The following GULP1 variants were observed in gnomAD, a reference collection of about 807,000 sequenced individuals.
GULP1 encodes the protein GULP PTB domain containing engulfment adaptor 1.
A neutral mutation model predicts 40.9 loss-of-function variants in GULP1; 19 were observed. The observed-to-expected ratio is 0.46, with a 90% CI of 0.32 to 0.68. GULP1 has a LOEUF of 0.68. Among genes scored for constraint, GULP1 ranks in the 30% least tolerant of loss-of-function variants. The probability of loss-of-function intolerance (pLI) is 0.03; values close to 1 mark genes in which losing one functional copy is unlikely to be tolerated. For missense variants in GULP1, 312 were observed against 362.2 expected (o/e 0.86, Z 1.12); for synonymous variants, 119 against 117.6 (o/e 1.01, Z -0.08).
chr2:188,435,045 C>T (rs1443072845), intron 2 of GULP1, among the ~76,000 whole-genome samples: 1 of 151,978 alleles, frequency 6.6e-6, no homozygotes, highest in Non-Finnish European at 1.5e-5. Flanking sequence ...ACTCTCAATT[C>T]TGGTGGTTTT....
intron 4 of GULP1, among the ~76,000 whole-genome samples, chr2:188,516,765 G>A (rs1275104147): frequency 6.6e-6 from 1 of 152,074 alleles, no homozygotes; most frequent in East Asian, 1.9e-4. Context: ...CAAGTCCTTG[G>A]ACCAAATTTC....
chr2:188,386,579 T>C (rs1235323959), intron 2 of GULP1, among the ~76,000 whole-genome samples: 1 of 152,150 alleles, frequency 6.6e-6, no homozygotes, highest in African/African-American at 2.4e-5. Context: ...ATTTTGTATT[T>C]ATTATTCAGT....
intron 1 of GULP1, among the ~76,000 whole-genome samples, chr2:188,374,446 T>C (rs187062710): frequency 2.4e-4 from 37 of 152,260 alleles, no homozygotes; most frequent in African/African-American, 7.7e-4. Context: ...CAGGCCTGAC[T>C]GAATCCAGGC....
chr2:188,562,068 A>G (rs531852735), intron 7 of GULP1, among the ~76,000 whole-genome samples: 15 of 152,188 alleles, frequency 9.9e-5, no homozygotes, highest in African/African-American at 3.4e-4. Context: ...AGTTTCCCTA[A>G]TGCCTCAGCC....
chr2:188,298,440 A>G (rs1435309710), intron 1 of GULP1, among the ~76,000 whole-genome samples: 1 of 152,062 alleles, frequency 6.6e-6, no homozygotes, highest in Non-Finnish European at 1.5e-5. Context: ...ATTTGAGTAA[A>G]CAAATTTTAT....
chr2:188,512,848 T>G (rs2064735006), intron 4 of GULP1, among the ~76,000 whole-genome samples: 1 of 1,318 alleles, frequency 7.6e-4, no homozygotes, highest in Admixed American at 0.023. Flanking sequence ...AAAAGAGAAG[T>G]CTTTGTTTTC....
intron 4 of GULP1, among the ~76,000 whole-genome samples, chr2:188,511,769 A>T (rs566662632): frequency 5.3e-5 from 8 of 152,306 alleles, no homozygotes; most frequent in Admixed American, 2.0e-4. Context: ...AATAATTGTT[A>T]TAATAAAATG....
intron 4 of GULP1, 160 bp from the exon 5 acceptor site, chr2:188,522,596 T>C (rs1199369431): frequency 4.7e-6 from 1 of 212,378 alleles, no homozygotes; most frequent in East Asian, 1.1e-4. Flanking sequence ...TAGTTACATT[T>C]TCATATAATA....
intron 4 of GULP1, among the ~76,000 whole-genome samples, chr2:188,486,152 G>A (rs567131223): frequency 6.6e-6 from 1 of 151,988 alleles, no homozygotes; most frequent in Non-Finnish European, 1.5e-5. Flanking sequence ...ATTTTAGGAA[G>A]ATAAATCGGT....
intron 4 of GULP1, among the ~76,000 whole-genome samples, chr2:188,504,311 G>A (rs1302208325): frequency 3.3e-5 from 5 of 151,892 alleles, no homozygotes; most frequent in African/African-American, 1.2e-4. Context: ...ACTTTTAAAA[G>A]CTTGGAAGTT....
chr2:188,334,867 A>G (rs1186795552), intron 1 of GULP1, among the ~76,000 whole-genome samples: 1 of 152,204 alleles, frequency 6.6e-6, no homozygotes. Context: ...AACTTATTAA[A>G]AGGAATCTGC....
intron 2 of GULP1, among the ~76,000 whole-genome samples, chr2:188,454,046 C>G (rs1218915079): frequency 6.6e-6 from 1 of 152,234 alleles, no homozygotes; most frequent in East Asian, 1.9e-4. Context: ...CCCCTGCTGC[C>G]TGAGCCTTGC....
intron 4 of GULP1, among the ~76,000 whole-genome samples, chr2:188,486,587 T>A (rs1392807432): frequency 6.6e-6 from 1 of 152,032 alleles, no homozygotes; most frequent in East Asian, 1.9e-4. Flanking sequence ...TATAATTCTT[T>A]TTTAGAACAC....
At chr2:188,587,339 T>C (rs1478541660) in intron 10 of GULP1, among the ~76,000 whole-genome samples, 2 of 152,104 alleles carry the variant, frequency 1.3e-5, no homozygotes, top group Non-Finnish European at 2.9e-5. Flanking sequence ...TGACATTTCA[T>C]ACTACATGAG....
At chr2:188,377,728 A>G (rs1402606403) in intron 1 of GULP1, among the ~76,000 whole-genome samples, 1 of 152,232 alleles carries the variant, frequency 6.6e-6, no homozygotes, top group African/African-American at 2.4e-5. Context: ...CAATAAGAAA[A>G]AATTGTGCAG....
Position 188,594,885 on chromosome 2 carries a change from G to A in GULP1, c.*874G>A, listed in dbSNP as rs1409262415. 1 of 151,342 alleles carries A rather than the reference G, an allele frequency of 6.6e-6. No homozygotes were observed. Among genetic ancestry groups the A allele is most frequent in the Non-Finnish European group, 1.5e-5 (1 of 67,626 alleles). The allele number at this position is 151,342 out of a possible 1,614,324, so 9.4% of individuals were successfully genotyped here. ...AATATATTTCTCCTCACTGCATAAG[G>A]ACTACTCTTCTCATATTTTCTTCTT... On this transcript the variant is annotated 3_prime_UTR_variant, in exon 12 of 12. Coordinates refer to ENST00000409830, the MANE Select transcript of GULP1 (RefSeq NM_016315.4).
At chr2:188,541,747 A>T in intron 7 of GULP1, 1 of 232,008 alleles carries the variant, frequency 4.3e-6, no homozygotes, top group Non-Finnish European at 8.3e-6. Context: ...AACTCCAGGA[A>T]ATATGATCTA....
chr2:188,409,928 C>G (rs943359002), intron 2 of GULP1, among the ~76,000 whole-genome samples: 2 of 152,162 alleles, frequency 1.3e-5, no homozygotes, highest in Non-Finnish European at 2.9e-5. Flanking sequence ...CTGGAAGCAT[C>G]ACACTACCTG....
At chr2:188,338,315 G>C (rs2042538521) in intron 1 of GULP1, among the ~76,000 whole-genome samples, 1 of 143,144 alleles carries the variant, frequency 7.0e-6, no homozygotes, top group African/African-American at 2.6e-5. Flanking sequence ...GTCTCACTCT[G>C]TCTCCCAGGC....
Sources: allele counts gnomAD v4.1 joint callset (sites outside exome capture counted in the v4.1 genomes callset), GRCh38; gene constraint gnomAD v4.1.1; transcripts MANE v1.5; gene names NCBI Gene and HGNC (gene_info 2026-07-23, HGNC 2026-07-21).